Variants in LMBR1 observed in about 807,000 individuals in gnomAD.
LMBR1 encodes limb development membrane protein 1.
Under a neutral mutation model 73.9 loss-of-function variants are expected in LMBR1, and 52 were observed. The ratio of observed to expected loss-of-function variants is 0.70; its 90% CI spans 0.56 to 0.89. LMBR1 has a LOEUF of 0.89. Among genes scored for constraint, LMBR1 ranks in the 40% least tolerant of loss-of-function variants. The pLI is 0.00. For missense variants in LMBR1, 539 were observed against 579.8 expected (o/e 0.93, Z 0.72); for synonymous variants, 215 against 209.4 (o/e 1.03, Z -0.23).
At chr7:156,711,338 T>A (rs1283792296) in intron 15 of LMBR1, among the ~76,000 whole-genome samples, 1 of 151,882 alleles carries the variant, frequency 6.6e-6, no homozygotes, top group Non-Finnish European at 1.5e-5. Flanking sequence ...AAAACACTAA[T>A]GAAAGAAATT....
At chr7:156,708,861 G>C (rs1307791410) in intron 15 of LMBR1, among the ~76,000 whole-genome samples, 1 of 152,134 alleles carries the variant, frequency 6.6e-6, no homozygotes, top group Non-Finnish European at 1.5e-5. Context: ...CTTGCCAACT[G>C]TGTGGGAGCT....
At chr7:156,725,870 G>C in intron 12 of LMBR1, 33 bp from the exon 13 acceptor site, 1 of 1,525,798 alleles carries the variant, frequency 6.6e-7, no homozygotes, top group South Asian at 1.1e-5. Flanking sequence ...TTCAGAATTT[G>C]ATGACACCAT....
intron 5 of LMBR1, among the ~76,000 whole-genome samples, chr7:156,791,324 T>A (rs1480336010): frequency 1.3e-5 from 2 of 152,138 alleles, no homozygotes; most frequent in South Asian, 4.1e-4. Flanking sequence ...GGATCATCAG[T>A]GGCAAAAAAC....
intron 15 of LMBR1, among the ~76,000 whole-genome samples, chr7:156,700,341 A>T (rs1189803325): frequency 1.3e-5 from 2 of 152,040 alleles, no homozygotes; most frequent in Non-Finnish European, 2.9e-5. Context: ...GAATCGAACA[A>T]TGAGAACACA....
At chr7:156,850,092 C>G (rs1439931416) in intron 1 of LMBR1, among the ~76,000 whole-genome samples, 1 of 152,182 alleles carries the variant, frequency 6.6e-6, no homozygotes, top group South Asian at 2.1e-4. Context: ...ATTCCCAATG[C>G]AACAGTGTTG....
intron 1 of LMBR1, among the ~76,000 whole-genome samples, chr7:156,891,139 C>T (rs1278917237): frequency 7.2e-6 from 1 of 138,284 alleles, no homozygotes; most frequent in Non-Finnish European, 1.5e-5. Context: ...TGCAGTGAGC[C>T]GAGATTGTGC....
intron 15 of LMBR1, among the ~76,000 whole-genome samples, chr7:156,693,460 A>G (rs1585214213): frequency 6.6e-6 from 1 of 152,268 alleles, no homozygotes; most frequent in South Asian, 2.1e-4. Flanking sequence ...AAATAAAAAG[A>G]GATATTCCAA....
At chr7:156,854,592 T>C (rs1339278933) in intron 1 of LMBR1, among the ~76,000 whole-genome samples, 5 of 152,208 alleles carry the variant, frequency 3.3e-5, no homozygotes, top group Non-Finnish European at 5.9e-5. Context: ...CCTATTTGAA[T>C]TTTATCAGAG....
At chr7:156,794,522 G>A (rs1158814450) in intron 5 of LMBR1, among the ~76,000 whole-genome samples, 8 of 151,990 alleles carry the variant, frequency 5.3e-5, no homozygotes, top group African/African-American at 1.9e-4. Context: ...TTCCTAGTTG[G>A]TTAATTCACA....
At chr7:156,789,075 A>T (rs1050648555) in intron 5 of LMBR1, among the ~76,000 whole-genome samples, 1 of 152,116 alleles carries the variant, frequency 6.6e-6, no homozygotes, top group African/African-American at 2.4e-5. Flanking sequence ...TAAATCTAGC[A>T]TTATAAAACA....
intron 1 of LMBR1, among the ~76,000 whole-genome samples, chr7:156,870,624 G>A (rs1799133418): frequency 6.6e-6 from 1 of 151,990 alleles, no homozygotes; most frequent in African/African-American, 2.4e-5. Context: ...AATTAGCCAG[G>A]CGTGGCAGCA....
chr7:156,799,953 A>C (rs1360530612), intron 4 of LMBR1, among the ~76,000 whole-genome samples: 1 of 152,234 alleles, frequency 6.6e-6, no homozygotes, highest in Non-Finnish European at 1.5e-5. Flanking sequence ...GTAACTCTTC[A>C]CATCTATGAA....
chr7:156,886,147 T>A (rs1443781562), intron 1 of LMBR1, among the ~76,000 whole-genome samples: 1 of 152,078 alleles, frequency 6.6e-6, no homozygotes. Flanking sequence ...CATTCCAGCC[T>A]GAGTGACGGA....
intron 16 of LMBR1, among the ~76,000 whole-genome samples, chr7:156,687,096 G>A (rs908418655): frequency 2.0e-5 from 3 of 152,154 alleles, no homozygotes; most frequent in Non-Finnish European, 2.9e-5. Flanking sequence ...CATCAAGGTT[G>A]GAAAGGCCTG....
chr7:156,870,559 A>C (rs1799121178), intron 1 of LMBR1, among the ~76,000 whole-genome samples: 1 of 152,096 alleles, frequency 6.6e-6, no homozygotes, highest in Non-Finnish European at 1.5e-5. Context: ...AGGTCAGGAG[A>C]TCGAGACCAC....
At chr7:156,754,078 A>G (rs984061941) in intron 9 of LMBR1, among the ~76,000 whole-genome samples, 4 of 152,244 alleles carry the variant, frequency 2.6e-5, no homozygotes, top group African/African-American at 9.6e-5. Context: ...AAAGGAAAGA[A>G]GAAAGGGTAG....
chr7:156,773,669 C>T (rs1825608277), intron 5 of LMBR1, among the ~76,000 whole-genome samples: 1 of 152,108 alleles, frequency 6.6e-6, no homozygotes. Flanking sequence ...GAAACTGGAT[C>T]CCTTCCTTAC....
chr7:156,710,647 T>C (rs1811885709), intron 15 of LMBR1, among the ~76,000 whole-genome samples: 1 of 152,184 alleles, frequency 6.6e-6, no homozygotes, highest in Non-Finnish European at 1.5e-5. Flanking sequence ...TATGCAAATG[T>C]CCAAATACAA....
chr7:156,868,522 A>T (rs1415948817), intron 1 of LMBR1, among the ~76,000 whole-genome samples: 1 of 151,992 alleles, frequency 6.6e-6, no homozygotes, highest in African/African-American at 2.4e-5. Context: ...AAAAATACGA[A>T]AATTAGTCAG....
Sources: allele counts gnomAD v4.1 joint callset (sites outside exome capture counted in the v4.1 genomes callset), GRCh38; gene constraint gnomAD v4.1.1; transcripts MANE v1.5; gene names NCBI Gene and HGNC (gene_info 2026-07-23, HGNC 2026-07-21).